The following DGKB variants were observed in gnomAD, a reference collection of about 807,000 sequenced individuals.
DGKB encodes the protein 90 kDa diacylglycerol kinase.
Under a neutral mutation model 114.3 loss-of-function variants are expected in DGKB, and 67 were observed. The observed-to-expected ratio is 0.59, with a 90% CI of 0.48 to 0.72. The LOEUF is 0.72. Ranked by LOEUF, DGKB falls within the 30% of genes least tolerant of loss-of-function variation. The probability of loss-of-function intolerance (pLI) is 0.00; values close to 1 mark genes in which losing one functional copy is unlikely to be tolerated. For missense variants in DGKB, 907 were observed against 975.2 expected (o/e 0.93, Z 0.93); for synonymous variants, 398 against 323.1 (o/e 1.23, Z -2.49).
intron 1 of DGKB, among the ~76,000 whole-genome samples, chr7:14,911,374 AT>A (rs964837008): frequency 1.7e-4 from 26 of 151,986 alleles, no homozygotes; most frequent in African/African-American, 5.8e-4. Flanking sequence ...TTCTATTTTC[AT>A]TTTTTTATTG....
At chr7:14,716,121 A>G (rs946905979) in intron 6 of DGKB, among the ~76,000 whole-genome samples, 4 of 152,176 alleles carry the variant, frequency 2.6e-5, no homozygotes, top group Non-Finnish European at 2.9e-5. Flanking sequence ...GCCACTATTC[A>G]TCAACTCCAG....
intron 23 of DGKB, among the ~76,000 whole-genome samples, chr7:14,292,716 T>C (rs960847358): frequency 2.0e-5 from 3 of 152,200 alleles, no homozygotes; most frequent in African/African-American, 7.2e-5. Context: ...ATTTAACCTA[T>C]CTGCACTTAC....
chr7:14,950,893 C>G (rs1472594933), intron 1 of DGKB, among the ~76,000 whole-genome samples: 2 of 151,844 alleles, frequency 1.3e-5, no homozygotes, highest in African/African-American at 4.8e-5. Flanking sequence ...TGATTATACA[C>G]CATGCTCAAG....
intron 23 of DGKB, among the ~76,000 whole-genome samples, chr7:14,329,755 A>T (rs940002234): frequency 2.0e-5 from 3 of 152,032 alleles, no homozygotes; most frequent in Non-Finnish European, 4.4e-5. Context: ...ATTTGTATGG[A>T]TAGCCTCATA....
In DGKB at chr7:14,919,071, CACACACACACACACACACACACAA is replaced by C. The variant is rs1291824243; in HGVS notation, c.-188+55601_-188+55624del. Among the ~76,000 whole-genome samples, 1,087 of 123,196 alleles carry C rather than the reference CACACACACACACACACACACACAA, an allele frequency of 8.8e-3. 8 individuals are homozygous for C. The highest frequency in any genetic ancestry group is 0.014 in the Non-Finnish European group (820 of 59,334). 80.8% of individuals were successfully genotyped at this position (123,196 alleles called of 152,430 possible). A position where few individuals can be genotyped will look rare whatever the true frequency, so the allele number is the denominator to read the frequency against. Reference sequence around the variant, plus strand: ...TGAGACTCCACCACACGCACACACACACACACACACACACACACACACAAACACACACACACACACACACACACA... The same window carrying C: ...TGAGACTCCACCACACGCACACACACACACACACACACACACACACACACA... On this transcript the variant is annotated intron_variant, in intron 1 of 4. Transcript: ENST00000437998.
chr7:14,607,310 T>G (rs1479415081), intron 17 of DGKB, 124 bp downstream of exon 17: 1 of 593,790 alleles, frequency 1.7e-6, no homozygotes, highest in Non-Finnish European at 3.0e-6. Flanking sequence ...GTAGTTGATA[T>G]TTCATTTTTA....
rs561465327 is a variant in DGKB, at chr7:14,917,262, T to TA, written c.-188+57433dup. ...GCTATATAAATGTAAAACAATCAGATAAAAAAATAGAAGTTAGAGCAGAGA... is the reference window on the plus strand; with the variant it reads ...GCTATATAAATGTAAAACAATCAGATAAAAAAAATAGAAGTTAGAGCAGAGA... On this transcript the variant is annotated intron_variant, in intron 1 of 4. Transcript: ENST00000437998. Among the ~76,000 whole-genome samples the TA allele has an allele frequency of 2.4e-3, 371 of 151,610 alleles. 1 individual carries two copies. The highest frequency in any genetic ancestry group is 8.7e-3 in the Admixed American group (133 of 15,244).
intron 23 of DGKB, among the ~76,000 whole-genome samples, chr7:14,221,686 A>C (rs1212212472): frequency 6.6e-6 from 1 of 151,412 alleles, no homozygotes; most frequent in Non-Finnish European, 1.5e-5. Flanking sequence ...GGCCTCATAG[A>C]ATTAGGGAGT....
intron 8 of DGKB, among the ~76,000 whole-genome samples, chr7:14,697,742 A>G (rs1824232809): frequency 8.2e-6 from 1 of 121,648 alleles, no homozygotes; most frequent in East Asian, 2.6e-4. Context: ...AGAAAGAAGG[A>G]GGAAAGAAAG....
At chr7:14,562,153 C>A (rs1796752049) in intron 20 of DGKB, among the ~76,000 whole-genome samples, 1 of 152,184 alleles carries the variant, frequency 6.6e-6, no homozygotes, top group Non-Finnish European at 1.5e-5. Context: ...AAGCTCTAAG[C>A]CTTGGCAGCT....
intron 20 of DGKB, among the ~76,000 whole-genome samples, chr7:14,495,030 A>C (rs1224659873): frequency 6.6e-6 from 1 of 151,836 alleles, no homozygotes; most frequent in Non-Finnish European, 1.5e-5. Context: ...ATCCAGCAGA[A>C]TCAAATTATT....
intron 17 of DGKB, among the ~76,000 whole-genome samples, chr7:14,586,230 A>G (rs1800737619): frequency 6.6e-6 from 1 of 152,078 alleles, no homozygotes. Flanking sequence ...CACACAAACA[A>G]CAAGAAGGCG....
intron 13 of DGKB, among the ~76,000 whole-genome samples, chr7:14,654,975 A>C (rs563450785): frequency 3.3e-5 from 5 of 152,062 alleles, no homozygotes; most frequent in Admixed American, 3.3e-4. Flanking sequence ...CTGAGCAAAG[A>C]TTTTTATGGA....
intron 2 of DGKB, among the ~76,000 whole-genome samples, chr7:14,773,117 T>C (rs910103878): frequency 6.6e-6 from 1 of 152,202 alleles, no homozygotes; most frequent in Non-Finnish European, 1.5e-5. Context: ...TCTAATACTT[T>C]ACAAGACAGC....
intron 1 of DGKB, among the ~76,000 whole-genome samples, chr7:14,957,433 A>C (rs966747903): frequency 2.0e-5 from 3 of 152,024 alleles, no homozygotes; most frequent in Non-Finnish European, 4.4e-5. Flanking sequence ...AGAATGTGAT[A>C]ACTGAGGTAC....
intron 20 of DGKB, among the ~76,000 whole-genome samples, chr7:14,523,322 T>G (rs1790088532): frequency 6.6e-6 from 1 of 152,208 alleles, no homozygotes; most frequent in African/African-American, 2.4e-5. Flanking sequence ...ACCTTTTCCT[T>G]GTTCATGAAA....
In DGKB at chr7:14,292,227, G is replaced by A. The variant is rs781623682; in HGVS notation, c.2122+46288C>T. On this transcript the variant is annotated intron_variant, in intron 23 of 25. Transcript: ENST00000402815. Reference sequence around the variant, plus strand: ...CTGTAAGAACTTTTCTCATTTACGCGTTTTCATCTATGGTGGATATGACAT... The same window carrying A: ...CTGTAAGAACTTTTCTCATTTACGCATTTTCATCTATGGTGGATATGACAT... Among the ~76,000 whole-genome samples the A allele has an allele frequency of 3.0e-4, 46 of 152,134 alleles. 1 individual carries two copies. Among genetic ancestry groups the A allele is most frequent in the Middle Eastern group, 3.4e-3 (1 of 294 alleles).
intron 23 of DGKB, among the ~76,000 whole-genome samples, chr7:14,199,591 G>C (rs567237950): frequency 1.3e-5 from 2 of 152,118 alleles, no homozygotes; most frequent in Non-Finnish European, 2.9e-5. Context: ...CACAAGGAAT[G>C]GAACAAATAG....
At chr7:14,313,817 C>G (rs1287466929) in intron 23 of DGKB, among the ~76,000 whole-genome samples, 3 of 152,182 alleles carry the variant, frequency 2.0e-5, no homozygotes, top group African/African-American at 4.8e-5. Context: ...GTAGGCTCCA[C>G]CTCTGGGGGC....
Sources: allele counts gnomAD v4.1 joint callset (sites outside exome capture counted in the v4.1 genomes callset), GRCh38; gene constraint gnomAD v4.1.1; transcripts MANE v1.5; gene names NCBI Gene and HGNC (gene_info 2026-07-23, HGNC 2026-07-21).